The following DACH2 variants were observed in gnomAD, a reference collection of about 807,000 sequenced individuals.
The protein encoded by DACH2 is dachshund family transcription factor 2.
DACH2 carries 17 observed loss-of-function variants against 35.8 expected under a neutral mutation model. The observed-to-expected ratio is 0.48, with a 90% confidence interval of 0.33 to 0.71. The LOEUF is 0.71. DACH2 is among the 30% of genes least tolerant of loss of function. The pLI is 0.02. For missense variants in DACH2, 469 were observed against 472.7 expected (o/e 0.99, Z 0.07); for synonymous variants, 195 against 177.3 (o/e 1.10, Z -0.79).
intron 11 of DACH2, among the ~76,000 whole-genome samples, chrX:86,827,020 T>G (rs1372835719): frequency 8.9e-6 from 1 of 112,341 alleles, no homozygotes; most frequent in East Asian, 2.8e-4. Flanking sequence ...GTGTGAATTC[T>G]ACTAGTTCTC....
In DACH2 at chrX:86,451,605, T is replaced by A. The variant is rs187522353; in HGVS notation, c.528-62674T>A. Among the ~76,000 whole-genome samples, 161 of 111,758 alleles carry A rather than the reference T, an allele frequency of 1.4e-3. 2 individuals are homozygous for A. The highest frequency in any genetic ancestry group is 4.9e-3 in the African/African-American group (151 of 30,821). On this transcript the variant is annotated intron_variant, in intron 2 of 11. Transcript: ENST00000373125. ...CTAATTCTGTGAAGAATGTCAATGA[T>A]AGTTTAATGAAAATAGATTTGAATC...
intron 11 of DACH2, among the ~76,000 whole-genome samples, chrX:86,824,108 C>A (rs141751875): frequency 1.5e-3 from 167 of 110,788 alleles, no homozygotes; most frequent in African/African-American, 5.3e-3. Flanking sequence ...AGGGTTTTTC[C>A]CCACCCTAGT....
chrX:86,268,219 AAAT>A (rs2147969091), intron 1 of DACH2, among the ~76,000 whole-genome samples: 1 of 112,243 alleles, frequency 8.9e-6, no homozygotes. Context: ...TATAATGAAA[AAAT>A]AAGAGACTCA....
chrX:86,526,586 A>G (rs139163268), intron 3 of DACH2, among the ~76,000 whole-genome samples: 309 of 111,406 alleles, frequency 2.8e-3, no homozygotes, highest in Middle Eastern at 0.023. Flanking sequence ...ACACATTCAT[A>G]CACATACCTG....
At chrX:86,643,690 A>C (rs1346692079) in intron 3 of DACH2, among the ~76,000 whole-genome samples, 1 of 111,233 alleles carries the variant, frequency 9.0e-6, no homozygotes, top group Non-Finnish European at 1.9e-5. Context: ...TCCTTGATGA[A>C]TATTGATGCA....
chrX:86,325,355 T>TGA (rs746954489), intron 1 of DACH2, among the ~76,000 whole-genome samples: 14 of 108,545 alleles, frequency 1.3e-4, no homozygotes, highest in African/African-American at 3.0e-4. Context: ...AGAGATGGAA[T>TGA]GAGAGAGAGA....
At chrX:86,625,209 AGTGTGTGTGTGTGTGT>A (rs72281959) in intron 3 of DACH2, among the ~76,000 whole-genome samples, 1,720 of 85,469 alleles carry the variant, frequency 0.02, 16 homozygotes, top group African/African-American at 0.028. Context: ...AAACCTTCTT[AGTGTGTGTGTGTGTGT>A]GTGTGTGTGT....
At chrX:86,566,952 C>T (rs190994637) in intron 3 of DACH2, among the ~76,000 whole-genome samples, 121 of 111,935 alleles carry the variant, frequency 1.1e-3, no homozygotes, top group African/African-American at 3.7e-3. Flanking sequence ...GCTCCTTCCA[C>T]TTTCTTACAC....
At chrX:86,258,565 T>G (rs2033568683) in intron 1 of DACH2, among the ~76,000 whole-genome samples, 1 of 111,533 alleles carries the variant, frequency 9.0e-6, no homozygotes, top group Non-Finnish European at 1.9e-5. Context: ...TATAGTGAAA[T>G]TATGCGTTAT....
chrX:86,624,428 G>A lies in DACH2; in HGVS notation c.641-26608G>A, dbSNP rs780966606. On this transcript the variant is annotated intron_variant, in intron 3 of 11. Coordinates refer to ENST00000373125, the MANE Select transcript of DACH2 (RefSeq NM_053281.3). ...CTGTGTTTCTTAAAAGCAAAAAGAAGAGAGTAATAACTGGTTAAGAGAAAG... is the reference window on the plus strand; with the variant it reads ...CTGTGTTTCTTAAAAGCAAAAAGAAAAGAGTAATAACTGGTTAAGAGAAAG... Among the ~76,000 whole-genome samples the A allele has an allele frequency of 2.7e-5, 3 of 112,125 alleles. No homozygotes were observed. In the East Asian group the frequency reaches 8.4e-4, roughly 32 times the overall value.
chrX:86,780,231 C>T (rs2042077286), intron 7 of DACH2, among the ~76,000 whole-genome samples: 1 of 109,123 alleles, frequency 9.2e-6, no homozygotes, highest in Non-Finnish European at 1.9e-5. Flanking sequence ...AAACATCAGC[C>T]CACACAAATG....
intron 1 of DACH2, among the ~76,000 whole-genome samples, chrX:86,169,031 G>C (rs1462185460): frequency 9.0e-6 from 1 of 111,210 alleles, no homozygotes; most frequent in Admixed American, 9.6e-5. Flanking sequence ...GTTCTTTAAT[G>C]TCCTTTTCTT....
At chrX:86,269,243 T>A (rs1215077868) in intron 1 of DACH2, among the ~76,000 whole-genome samples, 1 of 111,783 alleles carries the variant, frequency 8.9e-6, no homozygotes, top group Non-Finnish European at 1.9e-5. Context: ...ATGTTTGCAA[T>A]GTTTATCTTT....
chrX:86,504,512 A>C (rs1322681590), intron 2 of DACH2, among the ~76,000 whole-genome samples: 1 of 101,027 alleles, frequency 9.9e-6, no homozygotes, highest in East Asian at 3.0e-4. Flanking sequence ...TTATTTATTT[A>C]TTTTAAAATT....
At chrX:86,629,478 A>G (rs780864775) in intron 3 of DACH2, among the ~76,000 whole-genome samples, 8 of 111,750 alleles carry the variant, frequency 7.2e-5, no homozygotes, top group African/African-American at 2.6e-4. Context: ...AATAATTCTT[A>G]TGGCTCAAAT....
chrX:86,267,883 G>A (rs1286415268), intron 1 of DACH2, among the ~76,000 whole-genome samples: 2 of 111,845 alleles, frequency 1.8e-5, no homozygotes, highest in Non-Finnish European at 3.8e-5. Flanking sequence ...GGCTGCATGG[G>A]TAATATAGAT....
chrX:86,490,847 A>G (rs1002489362), intron 2 of DACH2, among the ~76,000 whole-genome samples: 21 of 111,188 alleles, frequency 1.9e-4, no homozygotes, highest in African/African-American at 6.8e-4. Context: ...CTGCTTTCCC[A>G]TTGAGAGGCT....
intron 1 of DACH2, among the ~76,000 whole-genome samples, chrX:86,224,782 GATC>G (rs2032787511): frequency 9.0e-6 from 1 of 111,427 alleles, no homozygotes; most frequent in South Asian, 3.7e-4. Context: ...GAAAATGCAT[GATC>G]ATCAAGAAAG....
intron 3 of DACH2, among the ~76,000 whole-genome samples, chrX:86,564,817 G>A (rs1383573299): frequency 9.0e-6 from 1 of 111,437 alleles, no homozygotes; most frequent in African/African-American, 3.3e-5. Context: ...TGAAAAGTAA[G>A]CATTTTATTG....
Sources: gnomAD v4.1 joint callset for allele counts (sites outside exome capture counted in the v4.1 genomes callset) on GRCh38, gnomAD v4.1.1 for gene constraint, MANE v1.5 for transcripts, NCBI Gene and HGNC (gene_info 2026-07-23, HGNC 2026-07-21) for gene names.